DNAJB1: variants seen among roughly 807,000 people sequenced by gnomAD.
DNAJB1 encodes the protein dnaJ homolog subfamily B member 1.
A neutral mutation model predicts 24.0 loss-of-function variants in DNAJB1; 14 were observed. The observed-to-expected ratio is 0.58, with a 90% CI of 0.39 to 0.91. The LOEUF is 0.91. DNAJB1 is among the 40% of genes least tolerant of loss of function. The probability of loss-of-function intolerance (pLI) is 0.00; values close to 1 mark genes in which losing one functional copy is unlikely to be tolerated. For synonymous variants in DNAJB1, 262 were observed against 174.4 expected (o/e 1.50, Z -3.96); for missense variants, 517 against 458.1 (o/e 1.13, Z -1.17).
chr19:14,518,720 C>G (rs1273409584), upstream of DNAJB1, among the ~76,000 whole-genome samples: 1 of 152,362 alleles, frequency 6.6e-6, no homozygotes, highest in East Asian at 1.9e-4. Flanking sequence ...TGCGTCCCGC[C>G]CTCCGCCTGG....
chr19:14,518,302 C>T lies in DNAJB1; in HGVS notation c.48G>A (p.Ser16=), dbSNP rs1451731518. ...YQTLGLARGA[S]DEEIKRAYRR... is the part of the protein sequence containing the mutation. The stretch of plus-strand genomic sequence containing the variant: ...GGTAGGCCCGCTTGATCTCCTCGTC[C>T]GACGCGCCGCGGGCCAGGCCCAACG... The change falls in exon 1 of 3, where the codon TCG becomes TCA. Residue 16 remains serine, a synonymous_variant. Transcript: ENST00000254322. 3.1e-6 allele frequency: 5 copies of T among 1,607,798 alleles called. No homozygotes were observed. In the African/African-American group the frequency reaches 5.4e-5, roughly 17 times the overall value.
At chr19:14,556,413 A>AAAAAAAAAAAAAAC (rs142293376) in intron 1 of DNAJB1, among the ~76,000 whole-genome samples, 6 of 86,514 alleles carry the variant, frequency 6.9e-5, no homozygotes, top group African/African-American at 1.6e-4. Flanking sequence ...TCTCTCAAAA[A>AAAAAAAAAAAAAAC]AAAAACAAAA....
chr19:14,560,124 C>T (rs1316115329), exon 1 of DNAJB1, among the ~76,000 whole-genome samples: 3 of 152,212 alleles, frequency 2.0e-5, no homozygotes, highest in Non-Finnish European at 4.4e-5. Context: ...TCTCGCTACC[C>T]CCTCCTGCCG....
intron 1 of DNAJB1, chr19:14,517,921 A>G: frequency 2.3e-6 from 1 of 443,164 alleles, no homozygotes; most frequent in Non-Finnish European, 3.8e-6. Flanking sequence ...GCAGCCCCAG[A>G]CATGCTAGAA....
chr19:14,551,979 C>CT (rs754053975), upstream of DNAJB1, among the ~76,000 whole-genome samples: 2,453 of 89,686 alleles, frequency 0.027, 51 homozygotes, highest in East Asian at 0.11. Flanking sequence ...CTCTTTCTCT[C>CT]TTTTTTTTTT....
Position 14,515,783 on chromosome 19 carries a change from C to T in DNAJB1, c.*157G>A, listed in dbSNP as rs2072246542. On this transcript the variant is annotated 3_prime_UTR_variant, in exon 3 of 3. Transcript: ENST00000254322. ...AAAACCACTGAAGTCTAGTGTGCGA[C>T]TTTGAAAGATTGTAATATATGCTCT... 1.4e-6 allele frequency: 1 copy of T among 709,364 alleles called. No homozygotes were observed. Among genetic ancestry groups the T allele is most frequent in the Non-Finnish European group, 2.3e-6 (1 of 433,356 alleles). 43.9% of individuals were successfully genotyped at this position (709,364 alleles called of 1,614,324 possible).
intron 1 of DNAJB1, 96 bp from the exon 2 acceptor site, chr19:14,517,142 G>C (rs1254497322): frequency 1.5e-6 from 2 of 1,354,382 alleles, no homozygotes; most frequent in African/African-American, 1.5e-5. Flanking sequence ...CCATGGGGGA[G>C]GAACTTTTTT....
intron 1 of DNAJB1, chr19:14,529,089 C>G (rs1398477643): frequency 6.4e-6 from 1 of 156,916 alleles, no homozygotes; most frequent in Non-Finnish European, 1.4e-5. Context: ...TTCGCCTTTC[C>G]TTCCCTCCCA....
Position 14,516,672 on chromosome 19 carries a change from T to C in DNAJB1, c.586A>G (p.Ser196Gly). 6.2e-7 allele frequency: 1 copy of C among 1,614,138 alleles called. No individual in the cohort carries two copies. ...SHKRLNPDGK[S>G]IRNEDKILTI... ...AATATTTTGTCTTCGTTTCGAATGC[T>C]CTTTCCGTCGGGGTTTAGCCGCTTG... is the stretch of plus-strand genomic sequence containing the variant. The change falls in exon 2 of 3, where the codon AGC becomes GGC. Residue 196 changes from serine (S) to glycine (G), a missense_variant. Coordinates refer to ENST00000254322, the MANE Select transcript of DNAJB1 (RefSeq NM_006145.3).
intron 2 of DNAJB1, among the ~76,000 whole-genome samples, chr19:14,527,165 C>CTTT (rs369143149): frequency 0.08 from 3,304 of 41,192 alleles, 788 homozygotes; most frequent in Non-Finnish European, 0.1. Flanking sequence ...AATATCTCTG[C>CTTT]TTTTTTTTTT....
chr19:14,520,682 A>C (rs2072349757), upstream of DNAJB1, among the ~76,000 whole-genome samples: 1 of 152,138 alleles, frequency 6.6e-6, no homozygotes, highest in African/African-American at 2.4e-5. Flanking sequence ...GGGAGAGAGA[A>C]CTTGATATTT....
Position 14,516,020 on chromosome 19 carries a change from T to C in DNAJB1, c.943A>G (p.Ile315Val). The change falls in exon 3 of 3, where the codon ATT becomes GTT. Residue 315 changes from isoleucine to valine, a missense_variant. By Grantham distance (29) the Ile-to-Val change is conservative (BLOSUM62 3). Coordinates refer to ENST00000254322, the MANE Select transcript of DNAJB1 (RefSeq NM_006145.3). ...PKTPEKRGDL[I>V]IEFEVIFPER... ...GGGAAGATCACTTCAAACTCAATAA[T>C]GAGGTCCCCACGTTTCTCGGGTGTT... 1.9e-6 allele frequency: 3 copies of C among 1,612,518 alleles called. No individual in the cohort carries two copies. The highest frequency in any genetic ancestry group is 1.3e-5 in the African/African-American group (1 of 74,808).
chr19:14,518,701 C>T (rs1296693988), upstream of DNAJB1, among the ~76,000 whole-genome samples: 1 of 152,146 alleles, frequency 6.6e-6, no homozygotes, highest in African/African-American at 2.4e-5. Context: ...TACGCGGCCC[C>T]AGCTACCCTG....
intron 1 of DNAJB1, chr19:14,517,676 T>G: frequency 1.3e-5 from 2 of 155,788 alleles, no homozygotes; most frequent in African/African-American, 2.4e-5. Flanking sequence ...TTCCCGGGAA[T>G]TATCCCAACC....
At chr19:14,529,235 C>A (rs1266026018) in exon 1 of DNAJB1, 2 of 281,810 alleles carry the variant, frequency 7.1e-6, no homozygotes. Flanking sequence ...TTCGGCGCCG[C>A]CTGTCATGTG....
In DNAJB1 at chr19:14,516,936, C is replaced by T. The variant is rs868529739; in HGVS notation, c.322G>A (p.Gly108Ser). The T allele has an allele frequency of 8.1e-6, 13 of 1,613,770 alleles. No individual in the cohort carries two copies. The highest frequency in any genetic ancestry group is 6.7e-5 in the African/African-American group (5 of 74,906). The part of the protein sequence containing the change: ...PHAMFAEFFG[G>S]RNPFDTFFGQ... ...AAAAAGGTGTCAAAGGGATTTCTGCCACCGAAGAACTCAGCAAACATGGCA... is the reference window on the plus strand; with the variant it reads ...AAAAAGGTGTCAAAGGGATTTCTGCTACCGAAGAACTCAGCAAACATGGCA... Residue 108 changes from glycine to serine, a missense_variant, in exon 2 of 3, where the codon GGC (glycine) becomes AGC (serine). Transcript: ENST00000254322.
chr19:14,515,135 AAG>A lies in DNAJB1; in HGVS notation c.*803_*804del, dbSNP rs1255477369. 6.6e-6 allele frequency: 1 copy of A among 152,654 alleles called. No homozygotes were observed. The highest frequency in any genetic ancestry group is 2.4e-5 in the African/African-American group (1 of 41,456). 9.5% of individuals were successfully genotyped at this position (152,654 alleles called of 1,614,324 possible). A position where few individuals can be genotyped will look rare whatever the true frequency, so the allele number is the denominator to read the frequency against. Reference sequence around the variant, plus strand: ...ATTCAAAAGGATCAGATCCCTTTGAAAGAGTCCATAGTCCATGAAACAAAAAA... The same window carrying A: ...ATTCAAAAGGATCAGATCCCTTTGAAAGTCCATAGTCCATGAAACAAAAAA... On this transcript the variant is annotated 3_prime_UTR_variant, in exon 3 of 3. Transcript: ENST00000254322.
intron 1 of DNAJB1, among the ~76,000 whole-genome samples, chr19:14,534,940 C>T (rs1474601346): frequency 6.6e-6 from 1 of 152,168 alleles, no homozygotes; most frequent in East Asian, 1.9e-4. Flanking sequence ...CAGCTGGTGG[C>T]TCTCCTGCTG....
upstream of DNAJB1, among the ~76,000 whole-genome samples, chr19:14,520,139 T>G (rs896381033): frequency 1.3e-5 from 2 of 152,184 alleles, no homozygotes; most frequent in African/African-American, 4.8e-5. Context: ...ATGAGGGCTT[T>G]GAAGTTTATA....
Sources: gnomAD v4.1 joint callset for allele counts (sites outside exome capture counted in the v4.1 genomes callset) on GRCh38, gnomAD v4.1.1 for gene constraint, MANE v1.5 for transcripts, NCBI Gene and HGNC (gene_info 2026-07-23, HGNC 2026-07-21) for gene names.